Variants in CERS6 observed in about 807,000 individuals in gnomAD.
CERS6 encodes ceramide synthase 6, also known as LAG1 homolog, ceramide synthase 6.
In CERS6, 26 loss-of-function variants were observed where a neutral mutation model predicts 56.8. That is an observed-to-expected ratio of 0.46 (90% CI 0.34 to 0.63). CERS6 has a LOEUF of 0.63. CERS6 is among the 30% of genes least tolerant of loss of function. The probability of loss-of-function intolerance (pLI) is 0.01; values close to 1 mark genes in which losing one functional copy is unlikely to be tolerated. For synonymous variants in CERS6, 164 were observed against 173.3 expected (o/e 0.95, Z 0.42); for missense variants, 415 against 467.5 (o/e 0.89, Z 1.04).
At chr2:168,571,553 G>T (rs16855517) in intron 3 of CERS6, among the ~76,000 whole-genome samples, 1 of 152,060 alleles carries the variant, frequency 6.6e-6, no homozygotes, top group Non-Finnish European at 1.5e-5. Context: ...ACTATTGAAA[G>T]TAGGTTTGTG....
In CERS6 at chr2:168,660,927, A is replaced by AGAGGCAT. The variant is rs542203399; in HGVS notation, c.465+29888_465+29894dup. Among the ~76,000 whole-genome samples the AGAGGCAT allele has an allele frequency of 2.6e-5, 4 of 152,332 alleles. No homozygotes were observed. In the South Asian group the frequency reaches 8.3e-4, roughly 32 times the overall value. ...GCATTGAAATGTGATGTTTAAACATAGAGGCATGATAATGAGAAATGCCTC... is the reference window on the plus strand; with the variant it reads ...GCATTGAAATGTGATGTTTAAACATAGAGGCATGAGGCATGATAATGAGAAATGCCTC... On this transcript the variant is annotated intron_variant, in intron 4 of 9. Transcript: ENST00000305747.
intron 4 of CERS6, among the ~76,000 whole-genome samples, chr2:168,650,357 T>TA (rs1249305255): frequency 1.3e-5 from 2 of 152,148 alleles, no homozygotes; most frequent in Non-Finnish European, 2.9e-5. Flanking sequence ...TCCACTCTGT[T>TA]ACTGTCTGTC....
intron 6 of CERS6, among the ~76,000 whole-genome samples, chr2:168,713,734 T>A (rs1002280476): frequency 1.3e-5 from 2 of 152,176 alleles, no homozygotes; most frequent in Admixed American, 6.5e-5. Flanking sequence ...TATACCTAAG[T>A]AACAAGCATG....
chr2:168,539,592 T>G (rs1695329032), intron 1 of CERS6, among the ~76,000 whole-genome samples: 2 of 152,250 alleles, frequency 1.3e-5, no homozygotes, highest in Non-Finnish European at 2.9e-5. Context: ...CATGCACATA[T>G]GCCTGCTCAC....
intron 8 of CERS6, among the ~76,000 whole-genome samples, chr2:168,747,907 C>A (rs567767159): frequency 9.1e-4 from 139 of 152,204 alleles, no homozygotes; most frequent in Middle Eastern, 3.4e-3. Flanking sequence ...GACAGTTCAG[C>A]CCAAAGACTT....
chr2:168,614,339 G>A (rs1485297684), intron 3 of CERS6, among the ~76,000 whole-genome samples: 1 of 152,156 alleles, frequency 6.6e-6, no homozygotes, highest in Non-Finnish European at 1.5e-5. Flanking sequence ...ACACATACTT[G>A]TATTTTCTTT....
intron 4 of CERS6, among the ~76,000 whole-genome samples, chr2:168,667,338 G>C (rs941102969): frequency 3.9e-5 from 6 of 152,184 alleles, no homozygotes; most frequent in Admixed American, 6.5e-5. Context: ...TGGCCATTGT[G>C]TTCTGGTGGC....
intron 3 of CERS6, among the ~76,000 whole-genome samples, chr2:168,589,556 T>C (rs2105402076): frequency 6.6e-6 from 1 of 152,354 alleles, no homozygotes; most frequent in East Asian, 1.9e-4. Context: ...TCCAATACCA[T>C]GCATGCCTTC....
At chr2:168,470,332 A>G (rs185497741) in intron 1 of CERS6, among the ~76,000 whole-genome samples, 2 of 152,128 alleles carry the variant, frequency 1.3e-5, no homozygotes, top group East Asian at 3.9e-4. Context: ...GCAATGAACT[A>G]TGATTGCACC....
Position 168,752,258 on chromosome 2 carries a change from C to A in CERS6, c.846-13334C>A, listed in dbSNP as rs191588790. ...GTCTGAGGCCCACCTTGGCAACAGA[C>A]CCCATCTTTTAAAAAAATAAATGTG... On this transcript the variant is annotated intron_variant, in intron 8 of 9. Coordinates refer to ENST00000305747, the MANE Select transcript of CERS6 (RefSeq NM_203463.3). Among the ~76,000 whole-genome samples, 34 of 147,610 alleles carry A rather than the reference C, an allele frequency of 2.3e-4. 1 individual carries two copies. Among genetic ancestry groups the A allele is most frequent in the South Asian group, 1.1e-3 (5 of 4,626 alleles).
At chr2:168,548,563 T>G (rs1695508735) in intron 2 of CERS6, among the ~76,000 whole-genome samples, 2 of 152,268 alleles carry the variant, frequency 1.3e-5, no homozygotes, top group South Asian at 4.1e-4. Flanking sequence ...GTTCATATAT[T>G]AAATGGCTCA....
chr2:168,725,414 C>A (rs905327525), intron 8 of CERS6, among the ~76,000 whole-genome samples: 1 of 152,270 alleles, frequency 6.6e-6, no homozygotes, highest in Non-Finnish European at 1.5e-5. Context: ...CAGGAGGCGC[C>A]GAGAGCGAGC....
chr2:168,618,426 C>T (rs1684372045), intron 3 of CERS6, among the ~76,000 whole-genome samples: 1 of 152,116 alleles, frequency 6.6e-6, no homozygotes, highest in Non-Finnish European at 1.5e-5. Flanking sequence ...AAATCAGTCA[C>T]AAGGAAGTCA....
chr2:168,570,697 G>A (rs564240631), intron 3 of CERS6, among the ~76,000 whole-genome samples: 22 of 151,914 alleles, frequency 1.4e-4, no homozygotes, highest in African/African-American at 4.8e-4. Flanking sequence ...AAATTTGAGA[G>A]TGGGAATCGA....
chr2:168,753,650 C>G (rs1684338304), intron 8 of CERS6, among the ~76,000 whole-genome samples: 1 of 152,202 alleles, frequency 6.6e-6, no homozygotes, highest in African/African-American at 2.4e-5. Context: ...GAATCTCTCT[C>G]AAGACTGCAG....
intron 1 of CERS6, among the ~76,000 whole-genome samples, chr2:168,545,289 C>T (rs901718330): frequency 6.6e-6 from 1 of 152,134 alleles, no homozygotes; most frequent in Non-Finnish European, 1.5e-5. Flanking sequence ...AATTCCCACC[C>T]TATCCTTTGG....
intron 1 of CERS6, among the ~76,000 whole-genome samples, chr2:168,481,188 G>A (rs1694170954): frequency 1.3e-5 from 2 of 152,186 alleles, no homozygotes; most frequent in South Asian, 4.1e-4. Flanking sequence ...GGCTGAGGTG[G>A]GCGGATCATG....
At chr2:168,606,146 C>T (rs1192046382) in intron 3 of CERS6, among the ~76,000 whole-genome samples, 2 of 152,156 alleles carry the variant, frequency 1.3e-5, no homozygotes, top group Non-Finnish European at 2.9e-5. Flanking sequence ...GTGGAGCTGC[C>T]CAAGGAAGGC....
rs1334256036 is a variant in CERS6, at chr2:168,561,186, T to A, written c.277-6T>A. 1.2e-6 allele frequency: 2 copies of A among 1,613,836 alleles called. No individual in the cohort carries two copies. Among genetic ancestry groups the A allele is most frequent in the Non-Finnish European group, 1.7e-6 (2 of 1,179,826 alleles). On this transcript the variant is annotated splice_polypyrimidine_tract_variant and splice_region_variant and intron_variant, in intron 2 of 9. Transcript: ENST00000305747. ...AAAATTATTTTTCTGGTACCTTGTT[T>A]CATAGCATCCTGATGAAAAGAGATT...
Sources: allele counts gnomAD v4.1 joint callset (sites outside exome capture counted in the v4.1 genomes callset), GRCh38; gene constraint gnomAD v4.1.1; transcripts MANE v1.5; gene names NCBI Gene and HGNC (gene_info 2026-07-23, HGNC 2026-07-21).